Variants in ARHGEF12 observed in about 807,000 individuals in gnomAD.
ARHGEF12 encodes the protein Rho guanine nucleotide exchange factor 12, also known as KMT2A/ARHGEF12 fusion protein.
A neutral mutation model predicts 211.2 loss-of-function variants in ARHGEF12; 66 were observed. The ratio of observed to expected loss-of-function variants is 0.31; its 90% CI spans 0.26 to 0.38. The LOEUF (loss-of-function observed/expected upper bound fraction) is 0.38, where lower values mean the gene tolerates loss of function less well. ARHGEF12 is among the 10% of genes least tolerant of loss of function. The pLI is 1.00. For missense variants in ARHGEF12, 1,429 were observed against 1,869.5 expected, an observed-to-expected ratio of 0.76 and a Z score of 4.34; for synonymous variants, 592 against 638.4, an observed-to-expected ratio of 0.93 and a Z score of 1.09.
rs1362360715 is a variant in ARHGEF12, at chr11:120,418,486, C to A, written c.200-2267C>A. Among the ~76,000 whole-genome samples the A allele has an allele frequency of 1.3e-5, 2 of 152,148 alleles. 1 individual carries two copies. Among genetic ancestry groups the A allele is most frequent in the Admixed American group, 1.3e-4 (2 of 15,272 alleles). ...AGACATTTGAGTTTCTAGTTTTGGG[C>A]TCTTATGAATAAAACTGCTGTGAAC... On this transcript the variant is annotated intron_variant, in intron 4 of 40. Transcript: ENST00000397843.
chr11:120,391,667 C>T (rs973465190), intron 1 of ARHGEF12, among the ~76,000 whole-genome samples: 1 of 152,216 alleles, frequency 6.6e-6, no homozygotes, highest in Admixed American at 6.5e-5. Flanking sequence ...CAGATTGCCT[C>T]TCAGTATTGT....
intron 1 of ARHGEF12, among the ~76,000 whole-genome samples, chr11:120,348,711 C>T (rs751199129): frequency 3.3e-5 from 5 of 152,080 alleles, no homozygotes; most frequent in Non-Finnish European, 7.4e-5. Context: ...CATGGTGGCA[C>T]ATGCCTGTAA....
At chr11:120,362,829 A>G (rs1203894467) in intron 1 of ARHGEF12, among the ~76,000 whole-genome samples, 2 of 152,172 alleles carry the variant, frequency 1.3e-5, no homozygotes, top group African/African-American at 4.8e-5. Context: ...AGCCAGGCGC[A>G]GTGGCTCATG....
At chr11:120,394,676 C>A (rs1428353227) in intron 1 of ARHGEF12, among the ~76,000 whole-genome samples, 4 of 151,798 alleles carry the variant, frequency 2.6e-5, no homozygotes, top group Non-Finnish European at 5.9e-5. Flanking sequence ...CTCTAGCCAG[C>A]TGATCAGGAT....
chr11:120,477,085 TTGTTG>T, intron 34 of ARHGEF12, 129 bp from the exon 35 acceptor site: 4 of 393,752 alleles, frequency 1.0e-5, no homozygotes, highest in Non-Finnish European at 1.4e-5. Context: ...GTGGGTTTTG[TTGTTG>T]TTGTTGTTGT....
rs553249199 is a variant in ARHGEF12 at position 120,445,640 on chromosome 11, T to A, written c.1345+176T>A. On this transcript the variant is annotated intron_variant, in intron 16 of 40. Transcript: ENST00000397843. ...GAGGCCGGGCGTAGTGGCTCACGCC[T>A]GTAATCCCAGCACTTTGGAAGGCCA... Among the ~76,000 whole-genome samples the A allele has an allele frequency of 3.3e-5, 5 of 152,256 alleles. No individual in the cohort carries two copies. The South Asian group carries it at 1.0e-3, about 32-fold the overall frequency.
chr11:120,394,533 TA>T (rs1944315322), intron 1 of ARHGEF12, among the ~76,000 whole-genome samples: 1 of 148,378 alleles, frequency 6.7e-6, no homozygotes, highest in South Asian at 2.1e-4. Context: ...AAGAGCAAAT[TA>T]AAACCAAAGC....
chr11:120,483,981 C>T (rs1947331020), intron 39 of ARHGEF12, among the ~76,000 whole-genome samples: 2 of 151,994 alleles, frequency 1.3e-5, no homozygotes, highest in African/African-American at 4.8e-5. Context: ...TCTGGAACTC[C>T]TGACCTCAGG....
At position 120,415,847 on chromosome 11, in the gene ARHGEF12, A is replaced by G. The variant is rs527852451; in HGVS notation, c.200-4906A>G. Among the ~76,000 whole-genome samples, 14 of 152,274 alleles carry G rather than the reference A, an allele frequency of 9.2e-5. No homozygotes were observed. The East Asian group carries it at 2.1e-3, about 23-fold the overall frequency. ...TGACTGTATGTGTAACACTTTTTAT[A>G]TTGGTCTACTGATTTAAAGTACATG... On this transcript the variant is annotated intron_variant, in intron 4 of 40. Transcript: ENST00000397843.
At chr11:120,478,817 A>C (rs1947143053) in intron 37 of ARHGEF12, among the ~76,000 whole-genome samples, 1 of 152,252 alleles carries the variant, frequency 6.6e-6, no homozygotes, top group African/African-American at 2.4e-5. Flanking sequence ...GTCTGGCCTG[A>C]GACTAAAAGA....
rs76186725 is a variant in ARHGEF12 at position 120,353,833 on chromosome 11, T to A, written c.32+16558T>A. On this transcript the variant is annotated intron_variant, in intron 1 of 40. Coordinates refer to ENST00000397843, the MANE Select transcript of ARHGEF12 (RefSeq NM_015313.3). ...CCACCCGCCCTTCTGAACACTGTTA[T>A]CTGCAACACAGTTACCTGTTTATGC... Among the ~76,000 whole-genome samples the A allele has an allele frequency of 8.4e-3, 1,272 of 152,304 alleles. 84 individuals are homozygous for A. The South Asian group carries it at 0.16, about 19-fold the overall frequency.
chr11:120,405,078 G>A (rs1944658710), intron 1 of ARHGEF12, among the ~76,000 whole-genome samples: 1 of 152,104 alleles, frequency 6.6e-6, no homozygotes, highest in Non-Finnish European at 1.5e-5. Flanking sequence ...AATAGGTGTC[G>A]AAGGGAATTG....
Position 120,488,585 on chromosome 11 carries a change from G to GA in ARHGEF12, c.*3516dup, listed in dbSNP as rs1591657405. ...GAGGGTTTTGATAATAAATTGGTAG[G>GA]AAAAAAAAGTACCTCCTAGAAGGAA... On this transcript the variant is annotated 3_prime_UTR_variant, in exon 41 of 41. Coordinates refer to ENST00000397843, the MANE Select transcript of ARHGEF12 (RefSeq NM_015313.3). 2.3e-5 allele frequency: 5 copies of GA among 218,692 alleles called. No homozygotes were observed. Among genetic ancestry groups the GA allele is most frequent in the East Asian group, 6.7e-5 (1 of 14,830 alleles). 13.5% of individuals were successfully genotyped at this position (218,692 alleles called of 1,614,324 possible).
intron 36 of ARHGEF12, 113 bp downstream of exon 36, chr11:120,477,639 C>T (rs1337645003): frequency 3.3e-5 from 31 of 938,534 alleles, no homozygotes; most frequent in South Asian, 1.1e-4. Context: ...TCGAGATAGG[C>T]GTATCACCTG....
At chr11:120,416,225 C>G (rs1336458771) in intron 4 of ARHGEF12, among the ~76,000 whole-genome samples, 1 of 152,160 alleles carries the variant, frequency 6.6e-6, no homozygotes, top group Non-Finnish European at 1.5e-5. Context: ...CCTTTCATCT[C>G]TAGACTTGTC....
chr11:120,425,339 G>GTT (rs1323273529), intron 7 of ARHGEF12, among the ~76,000 whole-genome samples: 20 of 142,230 alleles, frequency 1.4e-4, no homozygotes, highest in African/African-American at 3.3e-4. Flanking sequence ...TGTTTTCTTG[G>GTT]TTTTTTTTTT....
chr11:120,432,267 A>G (rs1006870540), intron 11 of ARHGEF12, among the ~76,000 whole-genome samples: 3 of 152,234 alleles, frequency 2.0e-5, no homozygotes, highest in African/African-American at 7.2e-5. Context: ...ATTTGTGGTC[A>G]GAGTGACTCA....
At chr11:120,349,410 T>C (rs184560849) in intron 1 of ARHGEF12, among the ~76,000 whole-genome samples, 1 of 152,304 alleles carries the variant, frequency 6.6e-6, no homozygotes, top group Non-Finnish European at 1.5e-5. Flanking sequence ...AAGTAGCTTT[T>C]AAAGGAAAAG....
chr11:120,374,067 A>G (rs1016387289), intron 1 of ARHGEF12, among the ~76,000 whole-genome samples: 2 of 152,204 alleles, frequency 1.3e-5, no homozygotes, highest in African/African-American at 4.8e-5. Context: ...TTGGCCTGCC[A>G]AAGTGCTGGG....
Sources: allele counts gnomAD v4.1 joint callset (sites outside exome capture counted in the v4.1 genomes callset), GRCh38; gene constraint gnomAD v4.1.1; transcripts MANE v1.5; gene names NCBI Gene and HGNC (gene_info 2026-07-23, HGNC 2026-07-21).